The following ANK3 variants were observed in gnomAD, a reference collection of about 807,000 sequenced individuals.
ANK3 encodes ankyrin-3.
A neutral mutation model predicts 370.9 loss-of-function variants in ANK3; 57 were observed. That is an observed-to-expected ratio of 0.15 (90% CI 0.12 to 0.19). The LOEUF is 0.19. Ranked by LOEUF, ANK3 falls within the 10% of genes least tolerant of loss-of-function variation. ANK3 has a pLI of 1.00. For synonymous variants in ANK3, 1,929 were observed against 1,946.3 expected (o/e 0.99, Z 0.23); for missense variants, 4,439 against 5,302.1 (o/e 0.84, Z 5.06).
intron 2 of ANK3, among the ~76,000 whole-genome samples, chr10:60,440,890 A>C (rs2064283392): frequency 6.6e-6 from 1 of 152,204 alleles, no homozygotes; most frequent in African/African-American, 2.4e-5. Flanking sequence ...CTAACAGTAG[A>C]TACATTTTAA....
At chr10:60,730,227 C>T (rs956686251) in intron 1 of ANK3, among the ~76,000 whole-genome samples, 1 of 152,074 alleles carries the variant, frequency 6.6e-6, no homozygotes, top group African/African-American at 2.4e-5. Context: ...GCATGAGTAT[C>T]ACTTACTGTG....
chr10:60,692,999 T>C (rs974598885), intron 1 of ANK3, among the ~76,000 whole-genome samples: 9 of 152,328 alleles, frequency 5.9e-5, no homozygotes, highest in African/African-American at 2.2e-4. Context: ...ACCGGGTTCA[T>C]CTCACTAGGG....
In ANK3 at chr10:60,312,388, T is replaced by C. The variant is rs116384667; in HGVS notation, c.115-32749A>G. 1.8e-3 allele frequency among the ~76,000 whole-genome samples: 270 copies of C among 152,322 alleles called. 1 individual carries two copies. The highest frequency in any genetic ancestry group is 5.9e-3 in the African/African-American group (246 of 41,570). On this transcript the variant is annotated intron_variant, in intron 1 of 43. Transcript: ENST00000280772. The stretch of plus-strand genomic sequence containing the variant: ...AGTGAAAGCTCTTGATAAATGTCTG[T>C]TGAATGCTAGAAATGTCTGCTCCTT...
chr10:60,573,031 C>T, intron 2 of ANK3: 4 of 986,912 alleles, frequency 4.1e-6, no homozygotes, highest in Non-Finnish European at 3.6e-6. Context: ...ATGTAAATTG[C>T]TCTCCGTGCT....
At chr10:60,684,662 C>T in intron 1 of ANK3, 1 of 1,588,310 alleles carries the variant, frequency 6.3e-7, no homozygotes. Flanking sequence ...CCTACCAAAG[C>T]ATTTAACACT....
chr10:60,196,040 G>T (rs926035280), intron 16 of ANK3, 105 bp downstream of exon 16: 3 of 919,838 alleles, frequency 3.3e-6, no homozygotes, highest in African/African-American at 3.3e-5. Context: ...TTTTTTAGTG[G>T]TGCCTAAACT....
chr10:60,704,548 G>C (rs2079587415), intron 1 of ANK3, among the ~76,000 whole-genome samples: 1 of 152,046 alleles, frequency 6.6e-6, no homozygotes, highest in Admixed American at 6.6e-5. Flanking sequence ...CCCAGGAAAA[G>C]CAATAGATAA....
chr10:60,444,547 C>T (rs1446156473), intron 2 of ANK3, among the ~76,000 whole-genome samples: 1 of 151,894 alleles, frequency 6.6e-6, no homozygotes, highest in Non-Finnish European at 1.5e-5. Context: ...TCCATTCACC[C>T]ACTTTTCTGC....
chr10:60,142,928 GCT>G (rs533706313), intron 23 of ANK3, among the ~76,000 whole-genome samples: 2 of 152,064 alleles, frequency 1.3e-5, no homozygotes, highest in Non-Finnish European at 2.9e-5. Flanking sequence ...CCATTTAACT[GCT>G]CTGAGTCATA....
At chr10:60,702,555 T>TA (rs34669978) in intron 1 of ANK3, among the ~76,000 whole-genome samples, 4 of 150,930 alleles carry the variant, frequency 2.7e-5, no homozygotes, top group Non-Finnish European at 4.4e-5. Flanking sequence ...TATTGGTGTG[T>TA]AAAAAAAAAT....
chr10:60,377,508 C>T (rs548035464), intron 1 of ANK3, among the ~76,000 whole-genome samples: 1 of 152,304 alleles, frequency 6.6e-6, no homozygotes, highest in South Asian at 2.1e-4. Flanking sequence ...AAACATAAAG[C>T]TTCAGTCATG....
At chr10:60,193,037 TC>T (rs2132390435) in intron 16 of ANK3, among the ~76,000 whole-genome samples, 1 of 151,932 alleles carries the variant, frequency 6.6e-6, no homozygotes, top group Non-Finnish European at 1.5e-5. Flanking sequence ...AAGATTAAAG[TC>T]TAGAAAAAGT....
At chr10:60,368,936 G>C (rs2059753765) in intron 1 of ANK3, among the ~76,000 whole-genome samples, 1 of 152,094 alleles carries the variant, frequency 6.6e-6, no homozygotes, top group African/African-American at 2.4e-5. Flanking sequence ...AGTAGCAGGG[G>C]GATACTGACT....
intron 41 of ANK3, among the ~76,000 whole-genome samples, chr10:60,058,319 G>T (rs905658246): frequency 3.3e-5 from 5 of 152,150 alleles, no homozygotes; most frequent in Non-Finnish European, 7.3e-5. Context: ...CACCTTTCTA[G>T]AGCAAGGCCA....
chr10:60,548,206 CTTTTTTTTTTT>C (rs537459971), intron 2 of ANK3, among the ~76,000 whole-genome samples: 1 of 88,342 alleles, frequency 1.1e-5, no homozygotes. Flanking sequence ...TAAATATTTC[CTTTTTTTTTTT>C]TTTTTTTTTT....
chr10:60,632,713 C>G (rs1343407338), intron 1 of ANK3, among the ~76,000 whole-genome samples: 1 of 151,952 alleles, frequency 6.6e-6, no homozygotes, highest in Non-Finnish European at 1.5e-5. Flanking sequence ...ACAGTGAGAA[C>G]CCACCTCTAT....
intron 16 of ANK3, among the ~76,000 whole-genome samples, chr10:60,193,636 C>CA (rs199524856): frequency 0.015 from 1,693 of 114,424 alleles, 13 homozygotes; most frequent in East Asian, 0.04. Flanking sequence ...GTCTGGGTGA[C>CA]AAAAAAAAAA....
At chr10:60,167,789 A>G (rs2095662955) in intron 21 of ANK3, among the ~76,000 whole-genome samples, 1 of 152,204 alleles carries the variant, frequency 6.6e-6, no homozygotes, top group Admixed American at 6.5e-5. Context: ...GTACAAATTC[A>G]TAGTTTCTTA....
chr10:60,392,218 T>C (rs2063126538), upstream of ANK3, among the ~76,000 whole-genome samples: 1 of 152,206 alleles, frequency 6.6e-6, no homozygotes, highest in Admixed American at 6.5e-5. Context: ...AAAACTGAAT[T>C]GACAGTTTTA....
Sources: allele counts gnomAD v4.1 joint callset (sites outside exome capture counted in the v4.1 genomes callset), GRCh38; gene constraint gnomAD v4.1.1; transcripts MANE v1.5; gene names NCBI Gene and HGNC (gene_info 2026-07-23, HGNC 2026-07-21).